The following SNX31 variants were observed in gnomAD, a reference collection of about 807,000 sequenced individuals.
SNX31 encodes the protein sorting nexin 31, also known as sorting nexin-31.
Under a neutral mutation model 65.4 loss-of-function variants are expected in SNX31, and 58 were observed. The observed-to-expected ratio is 0.89, with a 90% CI of 0.72 to 1.10. The LOEUF is 1.10. Among genes scored for constraint, SNX31 ranks in the 50% least tolerant of loss-of-function variants. The pLI is 0.00. For synonymous variants in SNX31, 181 were observed against 190.1 expected, an observed-to-expected ratio of 0.95 and a Z score of 0.39; for missense variants, 523 against 529.7, an observed-to-expected ratio of 0.99 and a Z score of 0.12.
chr8:100,598,530 G>C (rs1815320103), intron 9 of SNX31, among the ~76,000 whole-genome samples: 1 of 149,924 alleles, frequency 6.7e-6, no homozygotes, highest in Admixed American at 6.6e-5. Context: ...TGCAAGAAAG[G>C]TGGTGATGAG....
intron 2 of SNX31, among the ~76,000 whole-genome samples, chr8:100,641,565 A>AAAAAAAAAATAT (rs1554587369): frequency 2.8e-4 from 9 of 32,100 alleles, no homozygotes; most frequent in Non-Finnish European, 3.7e-4. Context: ...AAAAAAAAAA[A>AAAAAAAAAATAT]ATATATATAT....
intron 9 of SNX31, among the ~76,000 whole-genome samples, chr8:100,598,870 AT>A (rs1815352204): frequency 6.6e-6 from 1 of 152,228 alleles, no homozygotes; most frequent in South Asian, 2.1e-4. Context: ...CAATACATGA[AT>A]GAGTGATTGT....
At chr8:100,589,155 ACCAGG>A (rs1254071555) in intron 10 of SNX31, among the ~76,000 whole-genome samples, 176 bp from the exon 11 acceptor site, 5 of 151,862 alleles carry the variant, frequency 3.3e-5, no homozygotes, top group Non-Finnish European at 7.4e-5. Context: ...ACAAAAATTA[ACCAGG>A]CGTGGTGGCA....
intron 12 of SNX31, among the ~76,000 whole-genome samples, chr8:100,579,768 T>G (rs377607148): frequency 1.1e-4 from 17 of 152,332 alleles, no homozygotes; most frequent in Middle Eastern, 3.4e-3. Context: ...GCCATCTTGT[T>G]CTTCGCCATT....
rs1383536598 is a variant in SNX31, at chr8:100,588,326, C to T, written c.1092+540G>A. Among the ~76,000 whole-genome samples the T allele has an allele frequency of 4.6e-5, 7 of 152,152 alleles. No individual in the cohort carries two copies. ...TACTCAACCAGTGGCTTTTTATCTG[C>T]TTGGAAAAGGTCAAGAGAATAATAG... On this transcript the variant is annotated intron_variant, in intron 11 of 13. Transcript: ENST00000311812. This position sits in a 1 kb window ranked among gnomAD's most constrained non-coding sequence, Gnocchi z 4.8.
intron 2 of SNX31, among the ~76,000 whole-genome samples, chr8:100,642,582 C>G (rs1819333447): frequency 6.6e-6 from 1 of 152,224 alleles, no homozygotes; most frequent in Non-Finnish European, 1.5e-5. Flanking sequence ...TTCTCGGATA[C>G]TGACCTAAGG....
upstream of SNX31, among the ~76,000 whole-genome samples, chr8:100,653,244 C>T (rs575990840): frequency 1.8e-4 from 28 of 152,136 alleles, no homozygotes; most frequent in Non-Finnish European, 3.8e-4. Context: ...TAAAATTATA[C>T]GATACATAGG....
In SNX31 at chr8:100,621,801, C is replaced by T. The variant is rs2131119473; in HGVS notation, c.322-4071G>A. ...GGTCAGGATGAGAGGAATTGGTGGC[C>T]CACTGCCCCTTACTTCCTTTCCTCC... On this transcript the variant is annotated intron_variant, in intron 4 of 13. Transcript: ENST00000311812. Among the ~76,000 whole-genome samples the T allele has an allele frequency of 2.6e-5, 4 of 152,346 alleles. 1 individual carries two copies. The highest frequency in any genetic ancestry group is 2.6e-4 in the Admixed American group (4 of 15,312).
intron 3 of SNX31, among the ~76,000 whole-genome samples, chr8:100,631,975 T>C (rs1818446360): frequency 6.6e-6 from 1 of 152,252 alleles, no homozygotes; most frequent in Admixed American, 6.5e-5. Context: ...TTTTAGCTTA[T>C]CTAATCTTCA....
intron 10 of SNX31, among the ~76,000 whole-genome samples, chr8:100,596,165 G>C (rs1022649382): frequency 6.6e-6 from 1 of 152,168 alleles, no homozygotes; most frequent in African/African-American, 2.4e-5. Context: ...AATAATAGAT[G>C]AGACAGTGCA....
At chr8:100,587,736 CAT>C (rs1272095588) in intron 11 of SNX31, among the ~76,000 whole-genome samples, 1 of 152,140 alleles carries the variant, frequency 6.6e-6, no homozygotes, top group African/African-American at 2.4e-5. Context: ...TTTAAAATAT[CAT>C]ATAAAATTAC....
Position 100,576,969 on chromosome 8 carries a change from C to G in SNX31, c.1227+50G>C. On this transcript the variant is annotated intron_variant, in intron 13 of 13. Coordinates refer to ENST00000311812, the MANE Select transcript of SNX31 (RefSeq NM_152628.4). This position sits in a 1 kb window ranked among gnomAD's most constrained non-coding sequence, Gnocchi z 4.8. ...ACTTTGGTTAAAGAGGAAAAAAGATCAGATTTATCAAAATTATAATGTACC... is the reference window on the plus strand; with the variant it reads ...ACTTTGGTTAAAGAGGAAAAAAGATGAGATTTATCAAAATTATAATGTACC... The G allele has an allele frequency of 7.0e-7, 1 of 1,429,766 alleles. No individual in the cohort carries two copies. The highest frequency in any genetic ancestry group is 9.8e-7 in the Non-Finnish European group (1 of 1,025,250). 88.6% of individuals were successfully genotyped at this position (1,429,766 alleles called of 1,614,324 possible). A position where few individuals can be genotyped will look rare whatever the true frequency, so the allele number is the denominator to read the frequency against.
At position 100,589,731 on chromosome 8, in the gene SNX31, C is replaced by T. The variant is rs1223470992; in HGVS notation, c.979-752G>A. Among the ~76,000 whole-genome samples, 5 of 152,310 alleles carry T rather than the reference C, an allele frequency of 3.3e-5. No homozygotes were observed. In the East Asian group the frequency reaches 5.8e-4, roughly 18 times the overall value. On this transcript the variant is annotated intron_variant, in intron 10 of 13. Coordinates refer to ENST00000311812, the MANE Select transcript of SNX31 (RefSeq NM_152628.4). The stretch of plus-strand genomic sequence containing the variant: ...GCATGGAGGGTGATATGAGAAGAGG[C>T]TTAGGACCAGATCCTGAAAGCCTGG...
chr8:100,635,087 A>G (rs892835129), intron 3 of SNX31, among the ~76,000 whole-genome samples: 3 of 151,710 alleles, frequency 2.0e-5, no homozygotes, highest in African/African-American at 7.3e-5. Context: ...CAGCAAACAT[A>G]TAACTGCTGA....
At position 100,613,611 on chromosome 8, in the gene SNX31, T is replaced by C. The variant is rs1331050528; in HGVS notation, c.433-526A>G. ...TTCGCCTTGATGTTTCCTGCGATGGTCAACTGTAATTTACTAGGATGTTTG... is the reference window on the plus strand; with the variant it reads ...TTCGCCTTGATGTTTCCTGCGATGGCCAACTGTAATTTACTAGGATGTTTG... On this transcript the variant is annotated intron_variant, in intron 5 of 13. Coordinates refer to ENST00000311812, the MANE Select transcript of SNX31 (RefSeq NM_152628.4). This position sits in a 1 kb window ranked among gnomAD's most constrained non-coding sequence, Gnocchi z 5.2. Among the ~76,000 whole-genome samples the C allele has an allele frequency of 6.6e-6, 1 of 152,220 alleles. No homozygotes were observed. The highest frequency in any genetic ancestry group is 1.5e-5 in the Non-Finnish European group (1 of 68,032).
In SNX31 at chr8:100,635,956, G is replaced by A; in HGVS notation, c.197C>T (p.Ala66Val). The A allele has an allele frequency of 6.2e-7, 1 of 1,614,120 alleles. No individual in the cohort carries two copies. The highest frequency in any genetic ancestry group is 8.5e-7 in the Non-Finnish European group (1 of 1,179,994). Reference sequence around the variant, plus strand: ...CTCATCAGCCATAGCTGTGGTCATTGCCAGATAGTACTTTGGTGGGAAGGG... The same window carrying A: ...CTCATCAGCCATAGCTGTGGTCATTACCAGATAGTACTTTGGTGGGAAGGG... ...LPPFPPKYYL[A>V]MTTAMADERR... Residue 66 changes from alanine (A) to valine (V), a missense_variant, in exon 3 of 14, where the codon GCA becomes GTA. Physicochemically the swap from Ala to Val is moderately conservative, Grantham distance 64 (BLOSUM62 0). Coordinates refer to ENST00000311812, the MANE Select transcript of SNX31 (RefSeq NM_152628.4).
At chr8:100,615,303 C>T (rs1201788795) in intron 5 of SNX31, among the ~76,000 whole-genome samples, 1 of 152,178 alleles carries the variant, frequency 6.6e-6, no homozygotes, top group East Asian at 1.9e-4. Context: ...CCACAGAACC[C>T]TGGAGATACT....
At chr8:100,603,643 G>T (rs1815857429) in intron 8 of SNX31, among the ~76,000 whole-genome samples, 1 of 151,704 alleles carries the variant, frequency 6.6e-6, no homozygotes, top group South Asian at 2.1e-4. Context: ...CACCATGTTG[G>T]TCAGGCTGGT....
chr8:100,647,565 A>G (rs76022051), intron 2 of SNX31, among the ~76,000 whole-genome samples: 9,992 of 152,292 alleles, frequency 0.066, 456 homozygotes, highest in Non-Finnish European at 0.095. Context: ...TTTGCTGAGC[A>G]TATATTATGT....
Sources: allele counts gnomAD v4.1 joint callset (sites outside exome capture counted in the v4.1 genomes callset), GRCh38; gene constraint gnomAD v4.1.1; non-coding constraint Gnocchi (gnomAD v3.1); transcripts MANE v1.5; gene names NCBI Gene and HGNC (gene_info 2026-07-23, HGNC 2026-07-21).